The following LPIN2 variants were observed in gnomAD, a reference collection of about 807,000 sequenced individuals.
LPIN2 encodes lipin 2, also known as phosphatidate phosphatase LPIN2.
Under a neutral mutation model 111.4 loss-of-function variants are expected in LPIN2, and 55 were observed. The observed-to-expected ratio is 0.49, with a 90% confidence interval of 0.40 to 0.62. The LOEUF (loss-of-function observed/expected upper bound fraction) is 0.62. LPIN2 is among the 20% of genes least tolerant of loss of function. LPIN2 has a pLI of 0.00. For missense variants in LPIN2, 992 were observed against 1,112.1 expected (o/e 0.89, Z 1.54); for synonymous variants, 425 against 414.0 (o/e 1.03, Z -0.32).
intron 1 of LPIN2, among the ~76,000 whole-genome samples, chr18:2,962,971 G>A (rs1258630978): frequency 6.6e-5 from 10 of 152,146 alleles, no homozygotes; most frequent in Non-Finnish European, 4.4e-5. Context: ...AAGTGTAACC[G>A]TACCTATTCA....
Position 2,919,962 on chromosome 18 carries a change from C to T in LPIN2, c.*331G>A, listed in dbSNP as rs1467700934. ...TCACTGTGTGCAGTGTTTTGGTCCA[C>T]TCTTTTTTAGCTGCTTTTTTCTTCC... On this transcript the variant is annotated 3_prime_UTR_variant, in exon 20 of 20. Coordinates refer to ENST00000677752, the MANE Select transcript of LPIN2 (RefSeq NM_001375808.2). The T allele has an allele frequency of 4.9e-6, 2 of 404,834 alleles. No individual in the cohort carries two copies. The highest frequency in any genetic ancestry group is 9.4e-6 in the Non-Finnish European group (2 of 213,158). The allele number at this position is 404,834 out of a possible 1,614,324, so 25.1% of individuals were successfully genotyped here. A position where few individuals can be genotyped will look rare whatever the true frequency, so the allele number is the denominator to read the frequency against.
intron 1 of LPIN2, among the ~76,000 whole-genome samples, chr18:3,010,840 C>T (rs1251812634): frequency 6.6e-6 from 1 of 151,616 alleles, no homozygotes; most frequent in Non-Finnish European, 1.5e-5. Context: ...GAGAACCAAG[C>T]CATAATGTAA....
chr18:2,923,641 G>T, intron 16 of LPIN2, 134 bp downstream of exon 16: 3 of 811,224 alleles, frequency 3.7e-6, no homozygotes, highest in South Asian at 2.7e-5. Context: ...CAACAGGAAA[G>T]GAGTGAGGAA....
At chr18:2,952,621 G>C (rs1190904266) in intron 3 of LPIN2, among the ~76,000 whole-genome samples, 1 of 152,176 alleles carries the variant, frequency 6.6e-6, no homozygotes, top group Non-Finnish European at 1.5e-5. Context: ...CACACTTACA[G>C]AGAAATTGTA....
intron 1 of LPIN2, among the ~76,000 whole-genome samples, chr18:2,970,317 G>T (rs2077886463): frequency 6.6e-6 from 1 of 152,188 alleles, no homozygotes; most frequent in African/African-American, 2.4e-5. Flanking sequence ...CTATAATACG[G>T]GACCCAGGTC....
intron 4 of LPIN2, chr18:2,945,461 A>G (rs1366043563): frequency 1.4e-6 from 1 of 725,218 alleles, no homozygotes; most frequent in South Asian, 1.7e-5. Context: ...CACAACAACA[A>G]AACAAAAGAT....
rs760882217 is a variant in LPIN2 at position 2,939,618 on chromosome 18, AAGAC to A, written c.699-19_699-16del. On this transcript the variant is annotated splice_polypyrimidine_tract_variant and intron_variant, in intron 5 of 19. Transcript: ENST00000677752. ...GGGGATAGGTGCTGCAAAGAGAACA[AAGAC>A]ACACGATGACTTGAAAGTCGGGAAA... The A allele has an allele frequency of 5.0e-6, 8 of 1,611,930 alleles. No individual in the cohort carries two copies. Among genetic ancestry groups the A allele is most frequent in the Non-Finnish European group, 6.8e-6 (8 of 1,179,340 alleles).
At chr18:2,971,205 T>C (rs527793346) in intron 1 of LPIN2, among the ~76,000 whole-genome samples, 2 of 152,336 alleles carry the variant, frequency 1.3e-5, no homozygotes, top group East Asian at 3.9e-4. Context: ...CCAGTTTTCA[T>C]CTTAATCTGG....
chr18:2,926,835 G>C, intron 12 of LPIN2, 30 bp from the exon 13 acceptor site: 1 of 1,585,322 alleles, frequency 6.3e-7, no homozygotes, highest in Non-Finnish European at 8.7e-7. Context: ...ATGGCAACAT[G>C]CAATTTTTTC....
chr18:3,012,433 A>G (rs981342147), intron 1 of LPIN2, among the ~76,000 whole-genome samples: 2 of 152,232 alleles, frequency 1.3e-5, no homozygotes, highest in Non-Finnish European at 2.9e-5. Context: ...GTGGACAGAG[A>G]GGCTCTCAGT....
At chr18:2,982,660 T>C in intron 1 of LPIN2, 2 of 1,275,396 alleles carry the variant, frequency 1.6e-6, no homozygotes, top group Non-Finnish European at 2.1e-6. Context: ...TTGGGAGATG[T>C]AACTCACCAA....
chr18:2,923,750 G>C (rs1245886558), intron 16 of LPIN2, 25 bp downstream of exon 16: 2 of 1,587,128 alleles, frequency 1.3e-6, no homozygotes, highest in Non-Finnish European at 1.7e-6. Flanking sequence ...TCACCAGAGC[G>C]AGTTAACGTG....
chr18:2,925,380 T>C lies in LPIN2; in HGVS notation c.1794-12A>G, dbSNP rs776480603. 8 of 1,613,886 alleles carry C rather than the reference T, an allele frequency of 5.0e-6. No individual in the cohort carries two copies. Among genetic ancestry groups the C allele is most frequent in the Non-Finnish European group, 5.9e-6 (7 of 1,179,950 alleles). On this transcript the variant is annotated splice_polypyrimidine_tract_variant and intron_variant, in intron 13 of 19. Transcript: ENST00000677752. The surrounding 1 kb of genome is among the most constrained non-coding windows in gnomAD (Gnocchi z 4.1). ...CATTCTCGGCCGGCCTGTTCAACATTAGCCCAGTTACGGAAGAGGCAGCAG... is the reference window on the plus strand; with the variant it reads ...CATTCTCGGCCGGCCTGTTCAACATCAGCCCAGTTACGGAAGAGGCAGCAG...
chr18:2,931,252 G>A lies in LPIN2; in HGVS notation c.1456+4C>T, dbSNP rs373685201. 5.0e-6 allele frequency: 8 copies of A among 1,613,936 alleles called. No homozygotes were observed. Among genetic ancestry groups the A allele is most frequent in the South Asian group, 4.4e-5 (4 of 91,040 alleles). On this transcript the variant is annotated splice_donor_region_variant and intron_variant, in intron 9 of 19. Transcript: ENST00000677752. ...TGAAGATGGGGCACAAACACCCAAC[G>A]TACCTTTTGAAATTTCTCCATTTTC...
chr18:2,928,705 G>C, intron 10 of LPIN2, 45 bp from the exon 11 acceptor site: 1 of 1,398,594 alleles, frequency 7.2e-7, no homozygotes, highest in Non-Finnish European at 1.0e-6. Context: ...CAGTGAAAGT[G>C]AGCAAGAGAG....
intron 7 of LPIN2, among the ~76,000 whole-genome samples, chr18:2,935,671 G>C (rs759045300): frequency 3.9e-5 from 6 of 152,118 alleles, no homozygotes; most frequent in Non-Finnish European, 8.8e-5. Context: ...AATAGTACTG[G>C]GGCTATGCAG....
intron 1 of LPIN2, among the ~76,000 whole-genome samples, chr18:2,986,558 A>AG (rs2078189195): frequency 6.6e-6 from 1 of 151,912 alleles, no homozygotes; most frequent in Non-Finnish European, 1.5e-5. Flanking sequence ...AAAAAAAAAA[A>AG]AAAAAGAAAG....
At chr18:3,011,549 T>G (rs970764852) in intron 1 of LPIN2, among the ~76,000 whole-genome samples, 11 of 152,050 alleles carry the variant, frequency 7.2e-5, no homozygotes, top group Admixed American at 6.5e-5. Flanking sequence ...TAGCTGAGTG[T>G]GGTGGCTCAT....
chr18:2,941,232 T>TA (rs1218008247), intron 4 of LPIN2, among the ~76,000 whole-genome samples: 3 of 152,212 alleles, frequency 2.0e-5, no homozygotes, highest in Non-Finnish European at 4.4e-5. Flanking sequence ...CTCAAAATTT[T>TA]AACAATACCC....
Sources: allele counts gnomAD v4.1 joint callset (sites outside exome capture counted in the v4.1 genomes callset), GRCh38; gene constraint gnomAD v4.1.1; non-coding constraint Gnocchi (gnomAD v3.1); transcripts MANE v1.5; gene names NCBI Gene and HGNC (gene_info 2026-07-23, HGNC 2026-07-21).